RBFOX1: variants seen among roughly 807,000 people sequenced by gnomAD.
The protein encoded by RBFOX1 is RNA binding fox-1 homolog 1.
RBFOX1 carries 8 observed loss-of-function variants against 57.7 expected under a neutral mutation model. The observed-to-expected ratio is 0.14, with a 90% CI of 0.08 to 0.25. The LOEUF is 0.25. Among genes scored for constraint, RBFOX1 ranks in the 10% least tolerant of loss-of-function variants. The probability of loss-of-function intolerance (pLI) is 1.00; values close to 1 mark genes in which losing one functional copy is unlikely to be tolerated. For synonymous variants in RBFOX1, 326 were observed against 222.4 expected, an observed-to-expected ratio of 1.47 and a Z score of -4.15; for missense variants, 611 against 548.5, an observed-to-expected ratio of 1.11 and a Z score of -1.14.
chr16:6,060,122 G>GTTTTTTTTTTTTTTTTTTTTTTTTTTTTT (rs199690584), intron 1 of RBFOX1, among the ~76,000 whole-genome samples: 4 of 114,196 alleles, frequency 3.5e-5, no homozygotes, highest in South Asian at 3.0e-4. Flanking sequence ...TAGGATTAGG[G>GTTTTTTTTTTTTTTTTTTTTTTTTTTTTT]TTTTTTTTTT....
chr16:5,568,896 A>G (rs2046169447), intron 2 of RBFOX1, among the ~76,000 whole-genome samples: 1 of 152,130 alleles, frequency 6.6e-6, no homozygotes, highest in East Asian at 1.9e-4. Context: ...GTTGGAGTGC[A>G]GTGACGCGAT....
At chr16:6,856,346 C>T (rs1015209405) in intron 3 of RBFOX1, among the ~76,000 whole-genome samples, 1 of 152,124 alleles carries the variant, frequency 6.6e-6, no homozygotes. Context: ...CGTCTGAATT[C>T]TGAGTAACTA....
intron 2 of RBFOX1, among the ~76,000 whole-genome samples, chr16:6,401,413 G>C (rs907255859): frequency 1.3e-5 from 2 of 152,174 alleles, no homozygotes; most frequent in African/African-American, 4.8e-5. Flanking sequence ...ACTCACACCT[G>C]TGAAAATGAG....
At chr16:6,389,500 T>G (rs1002171652) in intron 2 of RBFOX1, among the ~76,000 whole-genome samples, 1 of 152,224 alleles carries the variant, frequency 6.6e-6, no homozygotes, top group African/African-American at 2.4e-5. Context: ...GACTTCTTCA[T>G]GTGTATCATC....
At chr16:7,458,944 G>C (rs1598921610) in intron 4 of RBFOX1, among the ~76,000 whole-genome samples, 1 of 152,186 alleles carries the variant, frequency 6.6e-6, no homozygotes. Context: ...TTTGTTTGTT[G>C]CTATATCCTT....
intron 2 of RBFOX1, among the ~76,000 whole-genome samples, chr16:6,455,505 C>A (rs2094748524): frequency 1.3e-5 from 2 of 152,166 alleles, no homozygotes; most frequent in African/African-American, 4.8e-5. Flanking sequence ...TCTTAGAGGG[C>A]AGGAGTTCTA....
At chr16:5,419,343 C>T (rs753363902) in intron 1 of RBFOX1, among the ~76,000 whole-genome samples, 1 of 152,098 alleles carries the variant, frequency 6.6e-6, no homozygotes, top group East Asian at 1.9e-4. Context: ...TGTTCAAGGG[C>T]AGGAAGCATC....
chr16:6,944,713 C>T (rs932291022), intron 3 of RBFOX1, among the ~76,000 whole-genome samples: 3 of 152,138 alleles, frequency 2.0e-5, no homozygotes, highest in South Asian at 2.1e-4. Context: ...GTTTCCTGGG[C>T]AACCTTTCTG....
intron 3 of RBFOX1, among the ~76,000 whole-genome samples, chr16:5,714,422 T>C (rs1212709988): frequency 6.6e-6 from 1 of 152,148 alleles, no homozygotes; most frequent in Non-Finnish European, 1.5e-5. Context: ...GAACATGGAA[T>C]AGAGACGTGC....
intron 4 of RBFOX1, among the ~76,000 whole-genome samples, chr16:5,955,325 A>AT (rs1262984835): frequency 1.5e-3 from 121 of 83,008 alleles, no homozygotes; most frequent in South Asian, 2.2e-3. Context: ...ATAAAATAAA[A>AT]TAAAATAAAA....
At chr16:5,807,914 C>G (rs2055285691) in intron 3 of RBFOX1, among the ~76,000 whole-genome samples, 2 of 152,158 alleles carry the variant, frequency 1.3e-5, no homozygotes, top group South Asian at 2.1e-4. Flanking sequence ...CACATCCACC[C>G]CAGACAGAAC....
intron 1 of RBFOX1, among the ~76,000 whole-genome samples, chr16:6,193,400 A>ATATACAT (rs1567651293): frequency 1.2e-5 from 1 of 85,256 alleles, no homozygotes; most frequent in Admixed American, 1.3e-4. Flanking sequence ...TACTATATAT[A>ATATACAT]TATATATATA....
chr16:6,193,392 CTATATATATATATATATATA>C (rs55707901), intron 1 of RBFOX1, among the ~76,000 whole-genome samples: 1 of 43,222 alleles, frequency 2.3e-5, no homozygotes, highest in East Asian at 6.7e-4. Flanking sequence ...TATATATATA[CTATATATATATATATATATA>C]TATATATATA....
At chr16:5,243,079 T>G (rs977843877) in intron 1 of RBFOX1, among the ~76,000 whole-genome samples, 4 of 152,022 alleles carry the variant, frequency 2.6e-5, no homozygotes, top group African/African-American at 4.8e-5. Flanking sequence ...CCCACCCCAT[T>G]GAGAAGGCCT....
chr16:5,606,633 G>C (rs1174436976), intron 3 of RBFOX1, among the ~76,000 whole-genome samples: 1 of 152,142 alleles, frequency 6.6e-6, no homozygotes, highest in African/African-American at 2.4e-5. Context: ...CTGTGAGGAG[G>C]ACACAGGATG....
chr16:7,115,743 T>C (rs140813320), intron 4 of RBFOX1, among the ~76,000 whole-genome samples: 49 of 152,116 alleles, frequency 3.2e-4, no homozygotes, highest in African/African-American at 1.1e-3. Flanking sequence ...CCATTTCTCA[T>C]GCTGCATTCT....
intron 4 of RBFOX1, among the ~76,000 whole-genome samples, chr16:7,332,022 A>G (rs1179987542): frequency 5.3e-5 from 8 of 152,222 alleles, no homozygotes; most frequent in Admixed American, 5.2e-4. Context: ...AATGTATTGC[A>G]TATTAATATA....
chr16:7,661,760 G>A (rs1037654950), intron 12 of RBFOX1, among the ~76,000 whole-genome samples: 1 of 152,132 alleles, frequency 6.6e-6, no homozygotes, highest in African/African-American at 2.4e-5. Context: ...GTATGTATTT[G>A]GCTTGTTTGA....
intron 1 of RBFOX1, among the ~76,000 whole-genome samples, chr16:5,346,608 C>T (rs1020692357): frequency 6.6e-6 from 1 of 152,196 alleles, no homozygotes; most frequent in Admixed American, 6.5e-5. Context: ...CCTGTATGCA[C>T]GTCTTGTCTT....
Sources: allele counts gnomAD v4.1 joint callset (sites outside exome capture counted in the v4.1 genomes callset), GRCh38; gene constraint gnomAD v4.1.1; transcripts MANE v1.5; gene names NCBI Gene and HGNC (gene_info 2026-07-23, HGNC 2026-07-21).